RABL6: variants seen among roughly 807,000 people sequenced by gnomAD.
The protein encoded by RABL6 is rab-like protein 6.
RABL6 carries 28 observed loss-of-function variants against 72.9 expected under a neutral mutation model. That is an observed-to-expected ratio of 0.38 (90% CI 0.28 to 0.53). The LOEUF (loss-of-function observed/expected upper bound fraction) is 0.53. RABL6 is among the 20% of genes least tolerant of loss of function. RABL6 has a pLI of 0.80. For synonymous variants in RABL6, 477 were observed against 421.2 expected (o/e 1.13, Z -1.62); for missense variants, 1,029 against 1,008.4 (o/e 1.02, Z -0.28).
Position 136,837,610 on chromosome 9 carries a change from C to T in RABL6, c.1074C>T (p.Ile358=). 2 of 1,596,664 alleles carry T rather than the reference C, an allele frequency of 1.3e-6. No individual in the cohort carries two copies. Among genetic ancestry groups the T allele is most frequent in the East Asian group, 2.3e-5 (1 of 44,116 alleles). ...CCCCCGCCCCACGGCGCAGCATCATCTCTAGGCTGTTTGGGACGTCACCTG... is the reference window on the plus strand; with the variant it reads ...CCCCCGCCCCACGGCGCAGCATCATTTCTAGGCTGTTTGGGACGTCACCTG... ...PSAPAPRRSI[I]SRLFGTSPAT... Residue 358 remains isoleucine, a synonymous_variant, in exon 9 of 15, where the codon ATC becomes ATT. Coordinates refer to ENST00000311502, the MANE Select transcript of RABL6 (RefSeq NM_024718.5).
In RABL6 at chr9:136,833,659, C is replaced by T. The variant is rs144783741; in HGVS notation, c.705+1289C>T. ...TGAACCTCCTCGCCCTGGGCTGCCC[C>T]GACTGGGTCTGGGGGACCTGGGGCC... On this transcript the variant is annotated intron_variant, in intron 7 of 14. Transcript: ENST00000311502. 1.1e-3 allele frequency: 1,702 copies of T among 1,536,572 alleles called. 1 individual carries two copies. The South Asian group carries it at 0.012, about 11-fold the overall frequency.
intron 7 of RABL6, chr9:136,833,327 C>T (rs1848519143): frequency 2.9e-6 from 1 of 341,120 alleles, no homozygotes; most frequent in African/African-American, 2.4e-5. Flanking sequence ...TCTGGGGGAC[C>T]TGAACCTCCT....
chr9:136,811,824 G>A (rs1000769206), intron 1 of RABL6, among the ~76,000 whole-genome samples: 3 of 152,232 alleles, frequency 2.0e-5, no homozygotes, highest in Non-Finnish European at 4.4e-5. Flanking sequence ...TAAAGTCAGT[G>A]TTGATGTTAA....
chr9:136,828,215 A>G (rs1848398250), intron 3 of RABL6: 1 of 426,248 alleles, frequency 2.3e-6, no homozygotes, highest in Non-Finnish European at 4.3e-6. Context: ...GCTGTAGGCC[A>G]TCCCACCGCA....
chr9:136,820,397 G>A (rs931048930), intron 1 of RABL6, among the ~76,000 whole-genome samples: 1 of 151,764 alleles, frequency 6.6e-6, no homozygotes, highest in East Asian at 1.9e-4. Context: ...TTTTTGAGAC[G>A]GTTCTGTTCT....
chr9:136,828,644 A>T lies in RABL6; in HGVS notation c.366+98A>T. 2.2e-6 allele frequency: 3 copies of T among 1,337,596 alleles called. No homozygotes were observed. The South Asian group carries it at 3.7e-5, about 16-fold the overall frequency. The allele number at this position is 1,337,596 out of a possible 1,614,324, so 82.9% of individuals were successfully genotyped here. On this transcript the variant is annotated intron_variant, in intron 4 of 14. Transcript: ENST00000311502. ...ACACGCTTTTGACCCCAACCACCCC[A>T]GTTATGCTGTGGCCACGGGGGCCGC...
At chr9:136,833,490 G>A (rs1848523734) in intron 7 of RABL6, 1 of 583,536 alleles carries the variant, frequency 1.7e-6, no homozygotes, top group African/African-American at 1.9e-5. Context: ...GCCCCGCCTG[G>A]GTCTGGGGGA....
intron 2 of RABL6, among the ~76,000 whole-genome samples, chr9:136,824,388 T>C (rs1204844421): frequency 7.3e-6 from 1 of 137,446 alleles, no homozygotes; most frequent in Non-Finnish European, 1.5e-5. Flanking sequence ...TGGAATGCAG[T>C]GGTGAGATCT....
chr9:136,830,010 G>A (rs1056057548), intron 5 of RABL6, among the ~76,000 whole-genome samples: 1 of 152,252 alleles, frequency 6.6e-6, no homozygotes, highest in Admixed American at 6.5e-5. Flanking sequence ...CCCCCAGGAC[G>A]CACCGGAGCC....
intron 1 of RABL6, chr9:136,821,324 G>GC: frequency 4.1e-6 from 4 of 985,238 alleles, no homozygotes; most frequent in Non-Finnish European, 4.8e-6. Flanking sequence ...CGTTGCTAAC[G>GC]CCCCACTCCC....
chr9:136,830,185 A>T (rs1008065867), intron 5 of RABL6, among the ~76,000 whole-genome samples: 4 of 152,238 alleles, frequency 2.6e-5, no homozygotes, highest in Admixed American at 1.3e-4. Context: ...TCTTCCCAGC[A>T]GTGGGTCTGG....
chr9:136,828,439 T>C, intron 3 of RABL6, 55 bp from the exon 4 acceptor site: 1 of 1,581,708 alleles, frequency 6.3e-7, no homozygotes, highest in Non-Finnish European at 8.7e-7. Context: ...ATGCTCCTCC[T>C]ATGGCCCAAG....
chr9:136,828,685 C>A, intron 4 of RABL6, 139 bp downstream of exon 4: 1 of 825,882 alleles, frequency 1.2e-6, no homozygotes, highest in Non-Finnish European at 1.9e-6. Flanking sequence ...TTCCCAACTG[C>A]TCTGAAAACC....
At chr9:136,833,525 C>G in intron 7 of RABL6, 1 of 737,684 alleles carries the variant, frequency 1.4e-6, no homozygotes, top group Non-Finnish European at 2.2e-6. Flanking sequence ...CCCTGGGCTG[C>G]CCCGACTGGG....
chr9:136,820,870 A>T (rs1456222744), intron 1 of RABL6, among the ~76,000 whole-genome samples: 1 of 152,174 alleles, frequency 6.6e-6, no homozygotes, highest in Non-Finnish European at 1.5e-5. Flanking sequence ...TGCGGCCAAG[A>T]CGTCCTTCAG....
intron 5 of RABL6, among the ~76,000 whole-genome samples, chr9:136,831,412 G>A (rs1848470676): frequency 6.6e-6 from 1 of 152,200 alleles, no homozygotes. Flanking sequence ...AGCCAGAGGT[G>A]GTTTTGTAGG....
chr9:136,814,919 C>G (rs1354653934), intron 1 of RABL6: 1 of 159,770 alleles, frequency 6.3e-6, no homozygotes, highest in Non-Finnish European at 1.4e-5. Flanking sequence ...ATCATCGTCA[C>G]CCTCGTCCTT....
At chr9:136,809,366 C>T in intron 1 of RABL6, 1 of 211,798 alleles carries the variant, frequency 4.7e-6, no homozygotes, top group Non-Finnish European at 1.1e-5. Flanking sequence ...CCTTAGTCCC[C>T]CGGCCTGTGA....
chr9:136,840,057 G>A (rs972571620), intron 13 of RABL6, 97 bp from the exon 14 acceptor site: 46 of 1,564,822 alleles, frequency 2.9e-5, no homozygotes, highest in Non-Finnish European at 4.0e-5. Flanking sequence ...TGGAGGGCTG[G>A]GGCTCGCTGC....
Sources: gnomAD v4.1 joint callset for allele counts (sites outside exome capture counted in the v4.1 genomes callset) on GRCh38, gnomAD v4.1.1 for gene constraint, MANE v1.5 for transcripts, NCBI Gene and HGNC (gene_info 2026-07-23, HGNC 2026-07-21) for gene names.